The following TMEFF1 variants were observed in gnomAD, a reference collection of about 807,000 sequenced individuals.
TMEFF1 encodes the protein transmembrane protein with EGF like and two follistatin like domains 1.
A neutral mutation model predicts 47.5 loss-of-function variants in TMEFF1; 20 were observed. The ratio of observed to expected loss-of-function variants is 0.42; its 90% CI spans 0.30 to 0.61. The LOEUF (loss-of-function observed/expected upper bound fraction) is 0.61. Among genes scored for constraint, TMEFF1 ranks in the 20% least tolerant of loss-of-function variants. The pLI is 0.19. For synonymous variants in TMEFF1, 162 were observed against 166.3 expected, an observed-to-expected ratio of 0.97 and a Z score of 0.20; for missense variants, 411 against 471.1, an observed-to-expected ratio of 0.87 and a Z score of 1.18.
intron 1 of TMEFF1, among the ~76,000 whole-genome samples, chr9:100,478,741 T>G (rs1161367867): frequency 2.0e-5 from 3 of 152,198 alleles, no homozygotes; most frequent in Non-Finnish European, 4.4e-5. Context: ...AAACTTGAAT[T>G]TAGGAGACCA....
At chr9:100,493,180 T>TG (rs1341409885) in intron 1 of TMEFF1, among the ~76,000 whole-genome samples, 1 of 152,096 alleles carries the variant, frequency 6.6e-6, no homozygotes, top group African/African-American at 2.4e-5. Flanking sequence ...CCAGGACTGT[T>TG]GCTAAACAAC....
At chr9:100,483,328 C>T (rs1837375678) in intron 1 of TMEFF1, among the ~76,000 whole-genome samples, 1 of 152,052 alleles carries the variant, frequency 6.6e-6, no homozygotes, top group African/African-American at 2.4e-5. Flanking sequence ...GAAAACTCGT[C>T]TCTATTAAAA....
At position 100,473,649 on chromosome 9, in the gene TMEFF1, C is replaced by G. The variant is rs1407282151; in HGVS notation, c.105C>G (p.Pro35=). The change falls in exon 1 of 10, where the codon CCC becomes CCG. Residue 35 remains proline (P), a synonymous_variant. Transcript: ENST00000374879. The surrounding 1 kb of genome is among the most constrained non-coding windows in gnomAD (Gnocchi z 5.4). ...TTCTGCTCTTCGCCTTCTCTCTGCC[C>G]GGGAGCCGCGCGTCCAACCAGCCCC... ...SVLLLFAFSL[P]GSRASNQPPG... The G allele has an allele frequency of 5.8e-6, 9 of 1,549,552 alleles. No individual in the cohort carries two copies. The highest frequency in any genetic ancestry group is 2.4e-5 in the East Asian group (1 of 41,066).
chr9:100,533,427 A>G (rs906740473), intron 5 of TMEFF1, among the ~76,000 whole-genome samples: 4 of 152,124 alleles, frequency 2.6e-5, no homozygotes, highest in African/African-American at 4.8e-5. Context: ...GTTGTTTACA[A>G]TAACCTTTTA....
At chr9:100,508,059 A>T (rs1471059698) in intron 2 of TMEFF1, among the ~76,000 whole-genome samples, 2 of 152,194 alleles carry the variant, frequency 1.3e-5, no homozygotes. Flanking sequence ...ATAGCATCTC[A>T]TCTTAGTGGA....
chr9:100,527,003 C>T (rs1337037977), intron 5 of TMEFF1, among the ~76,000 whole-genome samples: 8 of 143,446 alleles, frequency 5.6e-5, no homozygotes, highest in South Asian at 2.2e-4. Flanking sequence ...ATTAGCCGGG[C>T]GTGGTGGCAC....
chr9:100,526,153 C>T (rs1178478363), intron 5 of TMEFF1, among the ~76,000 whole-genome samples: 2 of 152,144 alleles, frequency 1.3e-5, no homozygotes, highest in Non-Finnish European at 2.9e-5. Context: ...GAAAGTGTTG[C>T]TTTGTTGTCT....
intron 5 of TMEFF1, among the ~76,000 whole-genome samples, chr9:100,535,383 G>C (rs1170065911): frequency 6.6e-6 from 1 of 152,020 alleles, no homozygotes; most frequent in Non-Finnish European, 1.5e-5. Flanking sequence ...CCATTCCTTG[G>C]GGGCATATTG....
At chr9:100,512,477 T>C (rs1837985697) in intron 3 of TMEFF1, among the ~76,000 whole-genome samples, 1 of 152,144 alleles carries the variant, frequency 6.6e-6, no homozygotes, top group African/African-American at 2.4e-5. Flanking sequence ...TTCTTTAGGA[T>C]CCAGGGTATC....
At chr9:100,544,709 A>G (rs969824737) in intron 5 of TMEFF1, among the ~76,000 whole-genome samples, 1 of 152,238 alleles carries the variant, frequency 6.6e-6, no homozygotes, top group Non-Finnish European at 1.5e-5. Context: ...CCACAGTCCA[A>G]CATCTCATCT....
intron 5 of TMEFF1, among the ~76,000 whole-genome samples, chr9:100,522,127 T>C (rs1321127542): frequency 6.6e-6 from 1 of 152,210 alleles, no homozygotes; most frequent in African/African-American, 2.4e-5. Context: ...CTGCAATATA[T>C]CCTCCTTTCT....
intron 9 of TMEFF1, among the ~76,000 whole-genome samples, chr9:100,573,603 C>T (rs1024140260): frequency 6.6e-6 from 1 of 152,164 alleles, no homozygotes; most frequent in African/African-American, 2.4e-5. Flanking sequence ...TCTCCACTTC[C>T]CTGCATTATT....
chr9:100,539,186 A>G (rs1431595855), intron 5 of TMEFF1, among the ~76,000 whole-genome samples: 1 of 152,204 alleles, frequency 6.6e-6, no homozygotes. Flanking sequence ...GATTACAGGC[A>G]TGAACCTTTG....
intron 1 of TMEFF1, among the ~76,000 whole-genome samples, chr9:100,489,038 C>T (rs911531993): frequency 6.6e-6 from 1 of 152,012 alleles, no homozygotes; most frequent in Admixed American, 6.6e-5. Flanking sequence ...TCTATCACCC[C>T]AGAAAGTTTC....
At chr9:100,534,542 C>G (rs1838468231) in intron 5 of TMEFF1, among the ~76,000 whole-genome samples, 1 of 152,184 alleles carries the variant, frequency 6.6e-6, no homozygotes. Flanking sequence ...GCTGTAATCA[C>G]TATAATCAGT....
At chr9:100,551,885 T>A (rs1364854336) in intron 7 of TMEFF1, among the ~76,000 whole-genome samples, 2 of 152,186 alleles carry the variant, frequency 1.3e-5, no homozygotes, top group Non-Finnish European at 1.5e-5. Context: ...AAAGTTGAGA[T>A]TAATTTTTGG....
rs1837701089 is a variant in TMEFF1 at position 100,498,607 on chromosome 9, CA to C, written c.197-157del. On this transcript the variant is annotated intron_variant, in intron 1 of 9. Transcript: ENST00000374879. ...GGAATACTGAGCATTTTGTGTCTTACAGAATTTCTTTTTGTATAGTTATGTC... is the reference window on the plus strand; with the variant it reads ...GGAATACTGAGCATTTTGTGTCTTACGAATTTCTTTTTGTATAGTTATGTC... 2.0e-5 allele frequency among the ~76,000 whole-genome samples: 3 copies of C among 152,156 alleles called. No homozygotes were observed. In the South Asian group the frequency reaches 6.2e-4, roughly 32 times the overall value.
chr9:100,524,431 C>T (rs952604673), intron 5 of TMEFF1, among the ~76,000 whole-genome samples: 1 of 152,198 alleles, frequency 6.6e-6, no homozygotes, highest in African/African-American at 2.4e-5. Context: ...GCCTCTGTGG[C>T]AGGGTCTGGT....
intron 9 of TMEFF1, among the ~76,000 whole-genome samples, chr9:100,573,944 A>T (rs903140197): frequency 6.6e-6 from 1 of 152,266 alleles, no homozygotes; most frequent in East Asian, 1.9e-4. Context: ...GAAGATAGGG[A>T]AAACACATTT....
Sources: allele counts gnomAD v4.1 joint callset (sites outside exome capture counted in the v4.1 genomes callset), GRCh38; gene constraint gnomAD v4.1.1; non-coding constraint Gnocchi (gnomAD v3.1); transcripts MANE v1.5; gene names NCBI Gene and HGNC (gene_info 2026-07-23, HGNC 2026-07-21).